CNTN5: variants seen among roughly 807,000 people sequenced by gnomAD.
CNTN5 encodes contactin-5.
A neutral mutation model predicts 129.1 loss-of-function variants in CNTN5; 77 were observed. The ratio of observed to expected loss-of-function variants is 0.60; its 90% confidence interval spans 0.50 to 0.72. The LOEUF (loss-of-function observed/expected upper bound fraction) is 0.72, where lower values mean the gene tolerates loss of function less well. CNTN5 is among the 30% of genes least tolerant of loss of function. The pLI is 0.00. For synonymous variants in CNTN5, 509 were observed against 465.6 expected, an observed-to-expected ratio of 1.09 and a Z score of -1.20; for missense variants, 1,478 against 1,328.8, an observed-to-expected ratio of 1.11 and a Z score of -1.75.
chr11:100,116,158 G>C (rs1945833755), intron 13 of CNTN5, among the ~76,000 whole-genome samples: 4 of 151,970 alleles, frequency 2.6e-5, no homozygotes, highest in African/African-American at 9.7e-5. Context: ...ATATCAAAAA[G>C]TCACATATGA....
chr11:99,934,168 G>A (rs1337476690), intron 7 of CNTN5, among the ~76,000 whole-genome samples: 1 of 152,106 alleles, frequency 6.6e-6, no homozygotes, highest in Admixed American at 6.6e-5. Context: ...TTCCTAGTTA[G>A]CATTCTTTCC....
At chr11:99,816,841 T>G (rs1303323536) in intron 3 of CNTN5, among the ~76,000 whole-genome samples, 1 of 152,174 alleles carries the variant, frequency 6.6e-6, no homozygotes, top group African/African-American at 2.4e-5. Flanking sequence ...GCGCTCCTAT[T>G]TTAATCCACC....
intron 2 of CNTN5, among the ~76,000 whole-genome samples, chr11:99,515,174 T>G (rs989674452): frequency 6.6e-6 from 1 of 152,052 alleles, no homozygotes; most frequent in Non-Finnish European, 1.5e-5. Context: ...TTGAAGAAAT[T>G]ATGTATTTTT....
intron 9 of CNTN5, among the ~76,000 whole-genome samples, chr11:100,038,025 G>T (rs1170136487): frequency 3.3e-5 from 5 of 151,866 alleles, no homozygotes; most frequent in Admixed American, 2.0e-4. Context: ...GAATGTGTTT[G>T]CTCTTGCTTT....
chr11:100,072,357 A>G (rs1309132558), intron 12 of CNTN5, among the ~76,000 whole-genome samples: 1 of 152,162 alleles, frequency 6.6e-6, no homozygotes, highest in African/African-American at 2.4e-5. Flanking sequence ...AGGCACTACA[A>G]TCTCATAGGG....
chr11:100,084,433 T>C (rs1436087133), intron 13 of CNTN5, among the ~76,000 whole-genome samples: 1 of 152,150 alleles, frequency 6.6e-6, no homozygotes, highest in African/African-American at 2.4e-5. Context: ...ATTTTTAGCA[T>C]CCTCTGAGAA....
chr11:100,307,891 A>T (rs1161891486), intron 20 of CNTN5, among the ~76,000 whole-genome samples: 1 of 151,756 alleles, frequency 6.6e-6, no homozygotes, highest in Admixed American at 6.6e-5. Context: ...TATGAGATAA[A>T]TACTCTCATT....
chr11:100,330,573 G>A (rs1951886481), intron 21 of CNTN5, among the ~76,000 whole-genome samples: 1 of 152,108 alleles, frequency 6.6e-6, no homozygotes, highest in African/African-American at 2.4e-5. Flanking sequence ...GAGCTGTGAG[G>A]CAAAAGCATC....
At chr11:99,274,431 T>C (rs139538013) in intron 1 of CNTN5, among the ~76,000 whole-genome samples, 102 of 151,808 alleles carry the variant, frequency 6.7e-4, no homozygotes, top group African/African-American at 2.4e-3. Flanking sequence ...TTAAAATTTT[T>C]TGAGAAGCTG....
Position 100,256,788 on chromosome 11 carries a change from C to T in CNTN5, c.2164+870C>T, listed in dbSNP as rs189812330. On this transcript the variant is annotated intron_variant, in intron 17 of 24. Transcript: ENST00000524871. ...ACCAGCCCAGATACTACACTTTTCT[C>T]AGAGTCTTCACAACCCACAGACCAG... Among the ~76,000 whole-genome samples, 63 of 152,224 alleles carry T rather than the reference C, an allele frequency of 4.1e-4. No individual in the cohort carries two copies. The East Asian group carries it at 0.011, about 26-fold the overall frequency.
At chr11:99,253,487 G>C (rs1186668349) in intron 1 of CNTN5, among the ~76,000 whole-genome samples, 1 of 151,946 alleles carries the variant, frequency 6.6e-6, no homozygotes, top group East Asian at 1.9e-4. Flanking sequence ...AAGAGTGTTT[G>C]ACTCTTAAGA....
chr11:99,516,184 T>G (rs949280589), intron 2 of CNTN5, among the ~76,000 whole-genome samples: 1 of 152,120 alleles, frequency 6.6e-6, no homozygotes, highest in Non-Finnish European at 1.5e-5. Flanking sequence ...GTCCAACCTG[T>G]CTTTTATCCT....
intron 13 of CNTN5, among the ~76,000 whole-genome samples, chr11:100,134,756 C>G (rs73000808): frequency 3.3e-5 from 5 of 152,220 alleles, no homozygotes; most frequent in Non-Finnish European, 5.9e-5. Flanking sequence ...TTTCAAGATG[C>G]GGCAGAAATA....
chr11:99,874,101 A>G (rs1291372721), intron 6 of CNTN5, among the ~76,000 whole-genome samples: 1 of 152,182 alleles, frequency 6.6e-6, no homozygotes, highest in African/African-American at 2.4e-5. Context: ...ATTACCTACC[A>G]GGTATAATGT....
At chr11:99,492,904 C>T (rs1946090514) in intron 2 of CNTN5, among the ~76,000 whole-genome samples, 1 of 152,164 alleles carries the variant, frequency 6.6e-6, no homozygotes, top group East Asian at 1.9e-4. Context: ...TTCTTGGCAT[C>T]TTTATGTCTT....
intron 15 of CNTN5, among the ~76,000 whole-genome samples, chr11:100,220,245 C>A (rs1949233483): frequency 6.6e-6 from 1 of 151,688 alleles, no homozygotes; most frequent in Non-Finnish European, 1.5e-5. Context: ...CCAGTGCACT[C>A]CAGCCTGGGT....
chr11:100,135,818 C>T (rs80075374), intron 13 of CNTN5, among the ~76,000 whole-genome samples: 4,324 of 152,070 alleles, frequency 0.028, 77 homozygotes, highest in Non-Finnish European at 0.039. Context: ...ATCTTTCATT[C>T]GGGTTTATGA....
chr11:100,272,560 G>A (rs1404002769), intron 18 of CNTN5, among the ~76,000 whole-genome samples: 1 of 152,004 alleles, frequency 6.6e-6, no homozygotes, highest in East Asian at 1.9e-4. Flanking sequence ...TCCCAAGATG[G>A]CCCACTAGAC....
chr11:99,651,433 A>T (rs939780027), intron 3 of CNTN5, among the ~76,000 whole-genome samples: 1 of 151,942 alleles, frequency 6.6e-6, no homozygotes, highest in Admixed American at 6.6e-5. Context: ...TAGAAATTCT[A>T]ATCTGTGGGT....
Sources: allele counts gnomAD v4.1 joint callset (sites outside exome capture counted in the v4.1 genomes callset), GRCh38; gene constraint gnomAD v4.1.1; transcripts MANE v1.5; gene names NCBI Gene and HGNC (gene_info 2026-07-23, HGNC 2026-07-21).